Variants in SLC24A2 observed in about 807,000 individuals in gnomAD.
The protein encoded by SLC24A2 is sodium/potassium/calcium exchanger 2.
In SLC24A2, 36 loss-of-function variants were observed where a neutral mutation model predicts 62.0. The observed-to-expected ratio is 0.58, with a 90% CI of 0.44 to 0.77. The LOEUF (loss-of-function observed/expected upper bound fraction) is 0.77, where lower values mean the gene tolerates loss of function less well. Among genes scored for constraint, SLC24A2 ranks in the 30% least tolerant of loss-of-function variants. SLC24A2 has a pLI of 0.00. For synonymous variants in SLC24A2, 358 were observed against 294.0 expected (o/e 1.22, Z -2.23); for missense variants, 846 against 817.9 (o/e 1.03, Z -0.42).
chr9:20,173,273 G>A, the SLC24A2 span, among the ~76,000 whole-genome samples: 1 of 152,054 alleles, frequency 6.6e-6, no homozygotes, highest in Non-Finnish European at 1.5e-5. Context: ...ACTGGAACAA[G>A]ACAAAGATGC....
the SLC24A2 span, among the ~76,000 whole-genome samples, chr9:20,003,003 A>G: frequency 1.3e-5 from 2 of 152,116 alleles, no homozygotes; most frequent in Non-Finnish European, 2.9e-5. Flanking sequence ...GAAATTCTTA[A>G]TAGCTTTCGA....
chr9:19,886,226 G>A, the SLC24A2 span, among the ~76,000 whole-genome samples: 2 of 152,266 alleles, frequency 1.3e-5, no homozygotes, highest in East Asian at 1.9e-4. Context: ...CAGTGTATAA[G>A]CATTCTCTTT....
the SLC24A2 span, among the ~76,000 whole-genome samples, chr9:19,820,050 TATATACAC>T: frequency 0.017 from 311 of 18,440 alleles, 6 homozygotes; most frequent in Admixed American, 0.051. Context: ...TACATATATA[TATATACAC>T]ATATATATAT....
chr9:19,756,905 T>TC (rs1033614871), intron 2 of SLC24A2, among the ~76,000 whole-genome samples: 1 of 130,562 alleles, frequency 7.7e-6, no homozygotes, highest in Admixed American at 7.9e-5. Context: ...TACTGAAGCT[T>TC]TTTTTTTTTT....
At chr9:20,247,867 A>G in the SLC24A2 span, among the ~76,000 whole-genome samples, 2 of 152,236 alleles carry the variant, frequency 1.3e-5, no homozygotes, top group East Asian at 1.9e-4. Context: ...TCTAACCTCT[A>G]TGAGTCTTAG....
chr9:19,846,409 G>A, the SLC24A2 span, among the ~76,000 whole-genome samples: 1 of 151,986 alleles, frequency 6.6e-6, no homozygotes, highest in South Asian at 2.1e-4. Flanking sequence ...CAATAATAAG[G>A]ACACTTGTTC....
At position 19,629,576 on chromosome 9, in the gene SLC24A2, C is replaced by T. The variant is rs74437922; in HGVS notation, c.931-7277G>A. Among the ~76,000 whole-genome samples the T allele has an allele frequency of 8.7e-3, 1,331 of 152,214 alleles. 26 individuals carry two copies. Among genetic ancestry groups the T allele is most frequent in the African/African-American group, 0.031 (1,269 of 41,518 alleles). On this transcript the variant is annotated intron_variant, in intron 2 of 10. Coordinates refer to ENST00000341998, the MANE Select transcript of SLC24A2 (RefSeq NM_020344.4). ...AGGGGCACTTTTTATGCCTTCAGAACGGCATAGATTTAAGTAAAACTGCAA... is the reference window on the plus strand; with the variant it reads ...AGGGGCACTTTTTATGCCTTCAGAATGGCATAGATTTAAGTAAAACTGCAA...
At chr9:19,595,485 G>T (rs562850069) in intron 5 of SLC24A2, among the ~76,000 whole-genome samples, 3 of 152,268 alleles carry the variant, frequency 2.0e-5, no homozygotes, top group Non-Finnish European at 2.9e-5. Context: ...CCCAGGGAGG[G>T]CCCCCAAACA....
At chr9:20,199,254 T>G in the SLC24A2 span, among the ~76,000 whole-genome samples, 3 of 152,194 alleles carry the variant, frequency 2.0e-5, no homozygotes, top group African/African-American at 7.2e-5. Context: ...TCAGGCGGGA[T>G]AGAGTCCAGT....
intron 4 of SLC24A2, among the ~76,000 whole-genome samples, chr9:19,600,842 G>A (rs7864291): frequency 0.13 from 20,488 of 152,102 alleles, 1,503 homozygotes; most frequent in African/African-American, 0.19. Context: ...GGGCTGGGGA[G>A]GGGGAGAGCG....
rs367555423 is a variant in SLC24A2 at position 19,558,555 on chromosome 9, A to C, written c.1348-8287T>G. ...GGATAATCTTGGTCTGGCTACTTCT[A>C]AAATGGATATCTGGGGGACACTGTA... On this transcript the variant is annotated intron_variant, in intron 7 of 10. Transcript: ENST00000341998. Among the ~76,000 whole-genome samples the C allele has an allele frequency of 1.4e-4, 21 of 152,328 alleles. No individual in the cohort carries two copies. The South Asian group carries it at 2.5e-3, about 18-fold the overall frequency.
In SLC24A2 at chr9:19,547,780, T is replaced by G. The variant is rs116542804; in HGVS notation, c.1479+2357A>C. ...AAAACTGTATCTGTCTCCCTGATTT[T>G]CCTCCCTAGGGCCACACAAAAGCAT... On this transcript the variant is annotated intron_variant, in intron 8 of 10. Transcript: ENST00000341998. 7.7e-3 allele frequency among the ~76,000 whole-genome samples: 1,173 copies of G among 151,478 alleles called. 65 individuals carry two copies. The highest frequency in any genetic ancestry group is 0.027 in the African/African-American group (1,119 of 40,824).
intron 2 of SLC24A2, among the ~76,000 whole-genome samples, chr9:19,784,657 G>A (rs906686408): frequency 5.9e-5 from 9 of 152,086 alleles, no homozygotes; most frequent in African/African-American, 9.7e-5. Context: ...TCCAATGATG[G>A]TCCTATTTTA....
At chr9:20,269,179 G>A in the SLC24A2 span, among the ~76,000 whole-genome samples, 28 of 152,218 alleles carry the variant, frequency 1.8e-4, no homozygotes, top group South Asian at 3.3e-3. Flanking sequence ...GGTCTTAGCC[G>A]TGAAGGAGTC....
chr9:20,089,657 G>T, the SLC24A2 span, among the ~76,000 whole-genome samples: 1 of 151,940 alleles, frequency 6.6e-6, no homozygotes, highest in African/African-American at 2.4e-5. Flanking sequence ...TCCCTGGGGA[G>T]AGGCTCCCAG....
At chr9:19,751,033 C>G (rs1821967250) in intron 2 of SLC24A2, among the ~76,000 whole-genome samples, 1 of 152,180 alleles carries the variant, frequency 6.6e-6, no homozygotes, top group African/African-American at 2.4e-5. Flanking sequence ...CCTGCCTTCA[C>G]TATGGGGCTT....
chr9:19,773,300 T>C (rs1386189894), intron 2 of SLC24A2, among the ~76,000 whole-genome samples: 1 of 152,152 alleles, frequency 6.6e-6, no homozygotes, highest in East Asian at 1.9e-4. Context: ...TAGGGTGAAT[T>C]CTATGGTAAA....
chr9:19,551,999 A>C (rs1240475551), intron 7 of SLC24A2, among the ~76,000 whole-genome samples: 1 of 152,226 alleles, frequency 6.6e-6, no homozygotes, highest in Non-Finnish European at 1.5e-5. Flanking sequence ...TAAACAGCAA[A>C]TATGGTGGAA....
At chr9:20,019,105 GAA>G in the SLC24A2 span, among the ~76,000 whole-genome samples, 1 of 21,900 alleles carries the variant, frequency 4.6e-5, no homozygotes, top group African/African-American at 3.6e-4. Flanking sequence ...AAGAAAGATA[GAA>G]AGAAAGAAAG....
Sources: allele counts gnomAD v4.1 joint callset (sites outside exome capture counted in the v4.1 genomes callset), GRCh38; gene constraint gnomAD v4.1.1; transcripts MANE v1.5; gene names NCBI Gene and HGNC (gene_info 2026-07-23, HGNC 2026-07-21).